The following CCL26 variants were observed in gnomAD, a reference collection of about 807,000 sequenced individuals.
CCL26 encodes C-C motif chemokine ligand 26.
A neutral mutation model predicts 10.7 loss-of-function variants in CCL26; 10 were observed. The ratio of observed to expected loss-of-function variants is 0.93; its 90% CI spans 0.57 to 1.58. The LOEUF is 1.58. Ranked by LOEUF, CCL26 falls within the 40% of genes most tolerant of loss-of-function variation. The pLI is 0.00. For synonymous variants in CCL26, 43 were observed against 41.4 expected, an observed-to-expected ratio of 1.04 and a Z score of -0.15; for missense variants, 116 against 111.0, an observed-to-expected ratio of 1.05 and a Z score of -0.20.
chr7:75,770,887 C>T (rs1181871869), intron 2 of CCL26, among the ~76,000 whole-genome samples: 2 of 152,140 alleles, frequency 1.3e-5, no homozygotes, highest in Non-Finnish European at 2.9e-5. Context: ...ATAATTCACA[C>T]GGCACATACA....
chr7:75,778,153 A>T (rs1235479405), intron 1 of CCL26, among the ~76,000 whole-genome samples: 2 of 152,150 alleles, frequency 1.3e-5, no homozygotes, highest in Admixed American at 1.3e-4. Context: ...ACCAATTTAC[A>T]TTCCCACCAA....
At chr7:75,774,307 G>A (rs991602024), upstream of CCL26, among the ~76,000 whole-genome samples, 3 of 152,048 alleles carry the variant, frequency 2.0e-5, no homozygotes, top group East Asian at 1.9e-4. Flanking sequence ...GCGCCATCAC[G>A]CCCGGCTAAT....
chr7:75,786,717 C>A (rs1394430304), intron 1 of CCL26, among the ~76,000 whole-genome samples: 1 of 152,132 alleles, frequency 6.6e-6, no homozygotes, highest in Non-Finnish European at 1.5e-5. Context: ...TTCTTCTCAT[C>A]GGTCACTCCC....
At chr7:75,776,079 T>C (rs1392343951), upstream of CCL26, among the ~76,000 whole-genome samples, 7 of 148,446 alleles carry the variant, frequency 4.7e-5, no homozygotes, top group African/African-American at 1.7e-4. Flanking sequence ...TTTTTTTTTT[T>C]TTTTTTTTTT....
chr7:75,791,013 CTT>C (rs35608337), upstream of CCL26, among the ~76,000 whole-genome samples: 14,737 of 134,386 alleles, frequency 0.11, 950 homozygotes, highest in East Asian at 0.27. Flanking sequence ...GAAACTCCTC[CTT>C]TTTTTTTTTT....
Position 75,772,085 on chromosome 7 carries a change from G to GA in CCL26, c.73+18dup. 1 of 1,603,024 alleles carries GA rather than the reference G, an allele frequency of 6.2e-7. No homozygotes were observed. Among genetic ancestry groups the GA allele is most frequent in the South Asian group, 1.1e-5 (1 of 90,024 alleles). ...GGTCCGGGAAGGAACCCCAGGAGGG[G>GA]AATGGGCCAGCTACGTACGTGTGGC... On this transcript the variant is annotated intron_variant, in intron 1 of 2. Transcript: ENST00000005180.
chr7:75,772,652 G>A (rs1441545041), upstream of CCL26, among the ~76,000 whole-genome samples: 1 of 113,534 alleles, frequency 8.8e-6, no homozygotes, highest in African/African-American at 3.0e-5. Flanking sequence ...GTGAGACTCT[G>A]CCAAAAAAAA....
chr7:75,770,950 C>T (rs1554528031), intron 2 of CCL26, among the ~76,000 whole-genome samples: 1 of 152,186 alleles, frequency 6.6e-6, no homozygotes, highest in African/African-American at 2.4e-5. Flanking sequence ...TCATAGGCAG[C>T]CTTTTGCCAA....
chr7:75,771,762 C>T (rs2115637115), intron 2 of CCL26, 127 bp downstream of exon 2: 2 of 675,080 alleles, frequency 3.0e-6, no homozygotes, highest in South Asian at 3.4e-5. Context: ...CTCAGAGTCA[C>T]ACTTGTTAGT....
intron 1 of CCL26, among the ~76,000 whole-genome samples, chr7:75,780,593 G>A (rs1376004452): frequency 2.0e-5 from 3 of 151,998 alleles, no homozygotes; most frequent in African/African-American, 7.3e-5. Flanking sequence ...TCATAACATA[G>A]GCAAACAGTC....
At chr7:75,788,996 C>A (rs1803263249) in intron 1 of CCL26, among the ~76,000 whole-genome samples, 1 of 152,000 alleles carries the variant, frequency 6.6e-6, no homozygotes, top group African/African-American at 2.4e-5. Context: ...TCATAGCTCA[C>A]TGCAGCCTCA....
chr7:75,788,255 AAAG>A (rs1803246659), intron 1 of CCL26, among the ~76,000 whole-genome samples: 1 of 152,134 alleles, frequency 6.6e-6, no homozygotes, highest in South Asian at 2.1e-4. Flanking sequence ...AAGAATCACA[AAAG>A]AAGTGAAAAT....
chr7:75,783,806 A>G (rs1190733376), intron 1 of CCL26, among the ~76,000 whole-genome samples: 1 of 151,704 alleles, frequency 6.6e-6, no homozygotes, highest in Non-Finnish European at 1.5e-5. Context: ...AAAAAAAAGA[A>G]AGAAACTACC....
intron 1 of CCL26, among the ~76,000 whole-genome samples, chr7:75,786,552 T>C (rs143452092): frequency 6.6e-6 from 1 of 152,168 alleles, no homozygotes; most frequent in Non-Finnish European, 1.5e-5. Flanking sequence ...AATGCCTCTT[T>C]AATAAAAACT....
chr7:75,780,471 T>TGC (rs1803038087), intron 1 of CCL26, among the ~76,000 whole-genome samples: 2 of 152,158 alleles, frequency 1.3e-5, no homozygotes, highest in Non-Finnish European at 2.9e-5. Context: ...CTAAATGCCT[T>TGC]ATTTTCTTCT....
upstream of CCL26, among the ~76,000 whole-genome samples, chr7:75,773,603 C>T (rs1802876285): frequency 6.6e-6 from 1 of 151,882 alleles, no homozygotes; most frequent in Admixed American, 6.6e-5. Flanking sequence ...GGGCCAGTCA[C>T]AGTGGCTCAC....
At chr7:75,786,773 C>A (rs1323580155) in intron 1 of CCL26, among the ~76,000 whole-genome samples, 2 of 152,212 alleles carry the variant, frequency 1.3e-5, no homozygotes, top group South Asian at 4.1e-4. Flanking sequence ...TTTTCCCACA[C>A]AAGACAAATG....
intron 1 of CCL26, among the ~76,000 whole-genome samples, chr7:75,783,108 G>T (rs1554529617): frequency 6.6e-6 from 1 of 152,158 alleles, no homozygotes; most frequent in Non-Finnish European, 1.5e-5. Context: ...TGGAGCTGAA[G>T]ACATAGTCAG....
chr7:75,786,372 G>A (rs1292667446), intron 1 of CCL26, among the ~76,000 whole-genome samples: 4 of 152,046 alleles, frequency 2.6e-5, no homozygotes, highest in South Asian at 4.1e-4. Context: ...TGAGGCTACC[G>A]CTCTGCCTCC....
Sources: gnomAD v4.1 joint callset for allele counts (sites outside exome capture counted in the v4.1 genomes callset) on GRCh38, gnomAD v4.1.1 for gene constraint, MANE v1.5 for transcripts, NCBI Gene and HGNC (gene_info 2026-07-23, HGNC 2026-07-21) for gene names.